PSD3: variants seen among roughly 807,000 people sequenced by gnomAD.
PSD3 encodes pleckstrin and Sec7 domain containing 3, also known as PH and SEC7 domain-containing protein 3.
PSD3 carries 49 observed loss-of-function variants against 105.5 expected under a neutral mutation model. That is an observed-to-expected ratio of 0.46 (90% CI 0.37 to 0.59). The LOEUF (loss-of-function observed/expected upper bound fraction) is 0.59. Ranked by LOEUF, PSD3 falls within the 20% of genes least tolerant of loss-of-function variation. The probability of loss-of-function intolerance (pLI) is 0.00; values close to 1 mark genes in which losing one functional copy is unlikely to be tolerated. For synonymous variants in PSD3, 557 were observed against 457.8 expected (o/e 1.22, Z -2.77); for missense variants, 1,561 against 1,263.8 (o/e 1.24, Z -3.57).
chr8:18,736,949 A>T (rs1804191346), intron 9 of PSD3, among the ~76,000 whole-genome samples: 2 of 152,204 alleles, frequency 1.3e-5, no homozygotes, highest in South Asian at 4.1e-4. Context: ...AAATATAGAG[A>T]GATGATTATG....
At chr8:18,560,146 G>C (rs1192309530) in intron 14 of PSD3, among the ~76,000 whole-genome samples, 4 of 149,982 alleles carry the variant, frequency 2.7e-5, no homozygotes, top group Non-Finnish European at 5.9e-5. Context: ...TCCAGTGCTA[G>C]AATCCCATGA....
chr8:18,842,453 G>A (rs1814703505), intron 4 of PSD3, among the ~76,000 whole-genome samples: 1 of 152,232 alleles, frequency 6.6e-6, no homozygotes. Flanking sequence ...TATGGCTTTG[G>A]CCGGGCGCGG....
At chr8:18,877,332 C>A (rs1206486487) in intron 2 of PSD3, among the ~76,000 whole-genome samples, 1 of 152,132 alleles carries the variant, frequency 6.6e-6, no homozygotes, top group East Asian at 1.9e-4. Flanking sequence ...ACTTTCAATT[C>A]ATTTTCGTAC....
chr8:18,583,359 G>T (rs1802946389), intron 12 of PSD3, among the ~76,000 whole-genome samples: 1 of 152,076 alleles, frequency 6.6e-6, no homozygotes, highest in Admixed American at 6.6e-5. Flanking sequence ...ATCCTGGTTG[G>T]GGTCAAGGCT....
intron 1 of PSD3, among the ~76,000 whole-genome samples, chr8:18,999,668 G>A (rs1174540212): frequency 1.3e-5 from 2 of 151,376 alleles, no homozygotes; most frequent in Non-Finnish European, 2.9e-5. Context: ...ACTAAACAGA[G>A]GCAAAATAAA....
intron 8 of PSD3, chr8:18,774,406 T>C (rs116519021): frequency 0.013 from 2,159 of 164,084 alleles, 50 homozygotes; most frequent in African/African-American, 0.046. Context: ...CCAGTTATTT[T>C]AAGATATACA....
chr8:18,574,679 A>G (rs1229429834), intron 13 of PSD3, among the ~76,000 whole-genome samples: 1 of 152,194 alleles, frequency 6.6e-6, no homozygotes, highest in African/African-American at 2.4e-5. Flanking sequence ...GAGGTATTAT[A>G]CACACTTATC....
chr8:18,754,040 C>T (rs1487578339), intron 9 of PSD3, among the ~76,000 whole-genome samples: 1 of 152,142 alleles, frequency 6.6e-6, no homozygotes, highest in African/African-American at 2.4e-5. Flanking sequence ...CCTTGAACTC[C>T]ATTCTTCTAA....
At chr8:18,927,802 C>T (rs941851330) in intron 2 of PSD3, among the ~76,000 whole-genome samples, 3 of 152,260 alleles carry the variant, frequency 2.0e-5, no homozygotes, top group East Asian at 1.9e-4. Flanking sequence ...GACATCATTG[C>T]GGACATTCTA....
chr8:18,564,690 G>A (rs942532503), intron 14 of PSD3, among the ~76,000 whole-genome samples: 2 of 151,816 alleles, frequency 1.3e-5, no homozygotes, highest in Admixed American at 6.6e-5. Flanking sequence ...CAGAAACTGT[G>A]GAAATGGGTG....
chr8:18,963,140 C>G (rs1429617710), intron 1 of PSD3, among the ~76,000 whole-genome samples: 2 of 152,068 alleles, frequency 1.3e-5, no homozygotes, highest in Admixed American at 6.5e-5. Flanking sequence ...CTGATAAAAC[C>G]ATCAGGTCTT....
At chr8:19,074,394 A>C (rs1026665350) in intron 1 of PSD3, among the ~76,000 whole-genome samples, 1 of 152,060 alleles carries the variant, frequency 6.6e-6, no homozygotes, top group African/African-American at 2.4e-5. Flanking sequence ...TGTGATGTAC[A>C]GACACACAAT....
In PSD3 at chr8:18,802,932, C is replaced by T. The variant is rs1398058652; in HGVS notation, c.1911-1550G>A. On this transcript the variant is annotated intron_variant, in intron 6 of 15. Transcript: ENST00000327040. ...CAAACAGTTTTATAGATACTTTCTA[C>T]TGATTATGCTGACATTCATTTTTAT... Among the ~76,000 whole-genome samples, 3 of 152,296 alleles carry T rather than the reference C, an allele frequency of 2.0e-5. No individual in the cohort carries two copies. The East Asian group carries it at 5.8e-4, about 29-fold the overall frequency.
intron 9 of PSD3, among the ~76,000 whole-genome samples, chr8:18,739,559 T>C (rs1804403799): frequency 6.6e-6 from 1 of 152,222 alleles, no homozygotes; most frequent in Admixed American, 6.5e-5. Context: ...ATGTGTCTAA[T>C]AGCTAAAGAT....
chr8:18,910,650 A>G (rs1377561072), intron 2 of PSD3, among the ~76,000 whole-genome samples: 5 of 149,698 alleles, frequency 3.3e-5, no homozygotes, highest in Non-Finnish European at 7.4e-5. Flanking sequence ...AAAAAAAAAA[A>G]AAAAAAAAAG....
At chr8:19,048,547 G>C (rs1828407373) in intron 1 of PSD3, among the ~76,000 whole-genome samples, 1 of 150,846 alleles carries the variant, frequency 6.6e-6, no homozygotes, top group Non-Finnish European at 1.5e-5. Flanking sequence ...TATATCCGTG[G>C]AAAAGAAATG....
Position 18,743,984 on chromosome 8 carries a change from C to T in PSD3, c.2172+21465G>A, listed in dbSNP as rs577715913. Among the ~76,000 whole-genome samples the T allele has an allele frequency of 2.0e-3, 301 of 151,432 alleles. 1 individual carries two copies. Among genetic ancestry groups the T allele is most frequent in the Non-Finnish European group, 3.8e-3 (258 of 67,820 alleles). On this transcript the variant is annotated intron_variant, in intron 9 of 15. Coordinates refer to ENST00000327040, the MANE Select transcript of PSD3 (RefSeq NM_015310.4). ...TCACCACCACCACCACCACCACCAC[C>T]ACCACCACCACCACCCAGAAGTTCC... is the stretch of plus-strand genomic sequence containing the variant.
chr8:18,819,575 ATTTTTTTT>A (rs746931460), intron 4 of PSD3, among the ~76,000 whole-genome samples: 1 of 111,320 alleles, frequency 9.0e-6, no homozygotes, highest in Non-Finnish European at 1.7e-5. Context: ...ATTAGAATGG[ATTTTTTTT>A]TTTTTTTTTT....
chr8:18,890,284 T>C (rs1818704731), intron 2 of PSD3, among the ~76,000 whole-genome samples: 1 of 152,202 alleles, frequency 6.6e-6, no homozygotes, highest in East Asian at 1.9e-4. Context: ...AGTCTGGTTC[T>C]TAGATCTTGA....
Sources: allele counts gnomAD v4.1 joint callset (sites outside exome capture counted in the v4.1 genomes callset), GRCh38; gene constraint gnomAD v4.1.1; transcripts MANE v1.5; gene names NCBI Gene and HGNC (gene_info 2026-07-23, HGNC 2026-07-21).